Variants in BTBD9 observed in about 807,000 individuals in gnomAD.
BTBD9 encodes the protein BTB domain containing 9.
In BTBD9, 49 loss-of-function variants were observed where a neutral mutation model predicts 64.3. The ratio of observed to expected loss-of-function variants is 0.76; its 90% CI spans 0.61 to 0.97. BTBD9 has a LOEUF of 0.97. Among genes scored for constraint, BTBD9 ranks in the 50% least tolerant of loss-of-function variants. BTBD9 has a pLI of 0.00. For missense variants in BTBD9, 598 were observed against 762.1 expected (o/e 0.78, Z 2.53); for synonymous variants, 260 against 274.7 (o/e 0.95, Z 0.53).
intron 6 of BTBD9, among the ~76,000 whole-genome samples, chr6:38,572,721 T>C (rs1268879339): frequency 2.6e-5 from 4 of 151,130 alleles, no homozygotes; most frequent in African/African-American, 4.9e-5. Flanking sequence ...AAAAGATCTA[T>C]GCAAAATATC....
intron 6 of BTBD9, among the ~76,000 whole-genome samples, chr6:38,543,346 G>C (rs1179340158): frequency 2.0e-5 from 3 of 151,874 alleles, no homozygotes; most frequent in Non-Finnish European, 4.4e-5. Flanking sequence ...ACATTACCTT[G>C]CTTACTGATT....
At chr6:38,560,985 G>C (rs1020045948) in intron 6 of BTBD9, among the ~76,000 whole-genome samples, 1 of 152,116 alleles carries the variant, frequency 6.6e-6, no homozygotes, top group Non-Finnish European at 1.5e-5. Flanking sequence ...GTCTACCATT[G>C]ATGGGCATTT....
chr6:38,356,584 A>AT (rs1309220867), intron 6 of BTBD9, among the ~76,000 whole-genome samples: 1 of 151,864 alleles, frequency 6.6e-6, no homozygotes, highest in Non-Finnish European at 1.5e-5. Flanking sequence ...AGATAGCAAC[A>AT]TTTTTTTTAA....
At chr6:38,484,727 CA>C (rs1562248796) in intron 6 of BTBD9, among the ~76,000 whole-genome samples, 3 of 151,908 alleles carry the variant, frequency 2.0e-5, no homozygotes, top group Non-Finnish European at 2.9e-5. Context: ...GCATTATGTC[CA>C]AAAAAAGTAC....
intron 6 of BTBD9, among the ~76,000 whole-genome samples, chr6:38,355,332 T>C (rs1021294049): frequency 7.9e-5 from 12 of 152,184 alleles, no homozygotes; most frequent in Non-Finnish European, 1.6e-4. Flanking sequence ...CTATGCACTG[T>C]TGAAGTTCAA....
At chr6:38,303,870 T>TAC (rs1322490573) in intron 7 of BTBD9, among the ~76,000 whole-genome samples, 30 of 112,996 alleles carry the variant, frequency 2.7e-4, no homozygotes, top group African/African-American at 1.2e-3. Context: ...TATATATATA[T>TAC]ATATACACAC....
At position 38,568,300 on chromosome 6, in the gene BTBD9, T is replaced by C. The variant is rs141353471; in HGVS notation, c.1154+9300A>G. ...ACAAAAAATCTGTATCTAAGTTTGT[T>C]TGTTTATCTACAAGATCTAATTGTC... is the stretch of plus-strand genomic sequence containing the variant. On this transcript the variant is annotated intron_variant, in intron 6 of 10. Coordinates refer to ENST00000481247, the MANE Select transcript of BTBD9 (RefSeq NM_001099272.2). Among the ~76,000 whole-genome samples, 320 of 152,326 alleles carry C rather than the reference T, an allele frequency of 2.1e-3. 2 individuals carry two copies. The highest frequency in any genetic ancestry group is 0.017 in the Middle Eastern group (5 of 294).
At chr6:38,189,284 G>A (rs990545242) in intron 10 of BTBD9, among the ~76,000 whole-genome samples, 6 of 152,190 alleles carry the variant, frequency 3.9e-5, no homozygotes, top group Non-Finnish European at 5.9e-5. Flanking sequence ...AATCCTGCCT[G>A]ACCCAAGTCA....
rs1346860697 is a variant in BTBD9 at position 38,596,784 on chromosome 6, G to C, written c.185+1126C>G. On this transcript the variant is annotated intron_variant, in intron 2 of 10. Transcript: ENST00000481247. The stretch of plus-strand genomic sequence containing the variant: ...CCACTGCACTCCAGCCTGGGCGACA[G>C]AGTGAGACTCCGTCTCAAAAAAAAA... Among the ~76,000 whole-genome samples the C allele has an allele frequency of 4.3e-5, 6 of 140,418 alleles. No individual in the cohort carries two copies. In the Admixed American group the frequency reaches 4.4e-4, roughly 10 times the overall value. The allele number at this position is 140,418 out of a possible 152,430, so 92.1% of individuals were successfully genotyped here.
intron 8 of BTBD9, among the ~76,000 whole-genome samples, chr6:38,258,539 G>A (rs1764682465): frequency 6.6e-6 from 1 of 152,204 alleles, no homozygotes; most frequent in South Asian, 2.1e-4. Context: ...TTCACATAAT[G>A]TCTCACATGG....
At chr6:38,441,643 C>A (rs973761306) in intron 6 of BTBD9, among the ~76,000 whole-genome samples, 6 of 152,024 alleles carry the variant, frequency 3.9e-5, no homozygotes, top group Non-Finnish European at 5.9e-5. Context: ...TCTTACACTC[C>A]TGGGCTCAAG....
At chr6:38,343,291 T>G (rs2127589038) in intron 7 of BTBD9, among the ~76,000 whole-genome samples, 1 of 152,342 alleles carries the variant, frequency 6.6e-6, no homozygotes, top group African/African-American at 2.4e-5. Context: ...TCATTACAAC[T>G]AATCCTGAGT....
At chr6:38,437,282 A>C (rs1768785359) in intron 6 of BTBD9, among the ~76,000 whole-genome samples, 1 of 152,184 alleles carries the variant, frequency 6.6e-6, no homozygotes, top group African/African-American at 2.4e-5. Context: ...GGGTCACGGC[A>C]GCTGGTAACT....
rs148676956 is a variant in BTBD9, at chr6:38,178,535, G to A, written c.1642-3353C>T. On this transcript the variant is annotated intron_variant, in intron 10 of 10. Transcript: ENST00000481247. Reference sequence around the variant, plus strand: ...TAAGCCAGGGAGAAGGAGCCCCAGGGCATAGAGGAGTGGGACCCAGCCAGG... The same window carrying A: ...TAAGCCAGGGAGAAGGAGCCCCAGGACATAGAGGAGTGGGACCCAGCCAGG... 1.7e-3 allele frequency among the ~76,000 whole-genome samples: 257 copies of A among 152,302 alleles called. 1 individual carries two copies. The highest frequency in any genetic ancestry group is 5.8e-3 in the African/African-American group (242 of 41,562).
At chr6:38,191,773 G>T (rs1247342881) in intron 10 of BTBD9, among the ~76,000 whole-genome samples, 4 of 152,200 alleles carry the variant, frequency 2.6e-5, no homozygotes, top group Admixed American at 6.5e-5. Context: ...GGCAGGAGGC[G>T]GGATTGCGTG....
intron 9 of BTBD9, among the ~76,000 whole-genome samples, chr6:38,247,818 C>T (rs1447033221): frequency 1.3e-5 from 2 of 152,178 alleles, no homozygotes; most frequent in Non-Finnish European, 2.9e-5. Context: ...ATGTATAGCA[C>T]TTAATTTTGT....
intron 6 of BTBD9, among the ~76,000 whole-genome samples, chr6:38,387,252 G>A (rs1446404308): frequency 6.6e-6 from 1 of 152,126 alleles, no homozygotes; most frequent in East Asian, 1.9e-4. Flanking sequence ...TAAGACAAAA[G>A]TTGGCCGGGC....
intron 6 of BTBD9, among the ~76,000 whole-genome samples, chr6:38,353,862 G>A (rs1384388133): frequency 6.6e-6 from 1 of 152,158 alleles, no homozygotes; most frequent in African/African-American, 2.4e-5. Flanking sequence ...CTCATTTGGC[G>A]ACTATGACCT....
intron 8 of BTBD9, among the ~76,000 whole-genome samples, chr6:38,270,557 T>G (rs916830606): frequency 3.3e-5 from 5 of 152,088 alleles, no homozygotes; most frequent in Non-Finnish European, 5.9e-5. Flanking sequence ...GAGTCACACA[T>G]GAGAGTGTTT....
Sources: gnomAD v4.1 joint callset for allele counts (sites outside exome capture counted in the v4.1 genomes callset) on GRCh38, gnomAD v4.1.1 for gene constraint, MANE v1.5 for transcripts, NCBI Gene and HGNC (gene_info 2026-07-23, HGNC 2026-07-21) for gene names.